The following SLC16A12 variants were observed in gnomAD, a reference collection of about 807,000 sequenced individuals.
SLC16A12 encodes monocarboxylate transporter 12.
In SLC16A12, 17 loss-of-function variants were observed where a neutral mutation model predicts 42.4. That is an observed-to-expected ratio of 0.40 (90% CI 0.27 to 0.60). The LOEUF (loss-of-function observed/expected upper bound fraction) is 0.60, where lower values mean the gene tolerates loss of function less well. Among genes scored for constraint, SLC16A12 ranks in the 20% least tolerant of loss-of-function variants. The pLI, the probability that SLC16A12 is intolerant of heterozygous loss-of-function variation, is 0.42. For missense variants in SLC16A12, 544 were observed against 623.0 expected, an observed-to-expected ratio of 0.87 and a Z score of 1.35; for synonymous variants, 224 against 229.4, an observed-to-expected ratio of 0.98 and a Z score of 0.21.
upstream of SLC16A12, among the ~76,000 whole-genome samples, chr10:89,539,875 T>TTCTTTCTTTC (rs1843701950): frequency 1.4e-5 from 2 of 144,080 alleles, no homozygotes; most frequent in Admixed American, 6.8e-5. Context: ...CTTTCTTTCT[T>TTCTTTCTTTC]TCTTTCTTTC....
chr10:89,470,178 T>C (rs925605549), intron 2 of SLC16A12, among the ~76,000 whole-genome samples: 2 of 152,156 alleles, frequency 1.3e-5, no homozygotes, highest in African/African-American at 4.8e-5. Flanking sequence ...AATCATGGGA[T>C]TGTGTTATAG....
rs145964337 is a variant in SLC16A12, at chr10:89,438,770, C to A, written c.862G>T (p.Val288Phe). ...LLMSDFVVLAVSVLFMAYGCS... is the reference protein window; with the variant it reads ...LLMSDFVVLAFSVLFMAYGCS... ...CCATAAGCCATAAACAGAACGGAGA[C>A]GGCTAACACAACAAAGTCTGACATG... Residue 288 changes from valine to phenylalanine, a missense_variant, in exon 6 of 8, where the codon GTC becomes TTC. Val to Phe is a conservative substitution (Grantham distance 50, BLOSUM62 -1). Coordinates refer to ENST00000371790, the MANE Select transcript of SLC16A12 (RefSeq NM_213606.4). 58 of 1,614,168 alleles carry A rather than the reference C, an allele frequency of 3.6e-5. No homozygotes were observed. The highest frequency in any genetic ancestry group is 4.7e-5 in the Non-Finnish European group (56 of 1,180,036).
intron 3 of SLC16A12, among the ~76,000 whole-genome samples, chr10:89,452,698 G>A (rs1346073854): frequency 6.6e-6 from 1 of 152,218 alleles, no homozygotes; most frequent in Non-Finnish European, 1.5e-5. Flanking sequence ...CAGAAGGTGG[G>A]ATGAAGTTTG....
At chr10:89,445,837 A>G (rs1841991712) in intron 3 of SLC16A12, among the ~76,000 whole-genome samples, 1 of 152,198 alleles carries the variant, frequency 6.6e-6, no homozygotes, top group South Asian at 2.1e-4. Context: ...CGAACCCATC[A>G]CAAGGAAGCT....
Position 89,432,809 on chromosome 10 carries a change from A to C in SLC16A12, c.*255T>G. ...TATCAGCTGTGTCCTTACATTTCTT[A>C]CAGAGCTATGCCCATTGACCAAAAG... On this transcript the variant is annotated 3_prime_UTR_variant, in exon 8 of 8. Transcript: ENST00000371790. The C allele has an allele frequency of 2.3e-6, 1 of 440,892 alleles. No individual in the cohort carries two copies. The highest frequency in any genetic ancestry group is 4.1e-6 in the Non-Finnish European group (1 of 245,044). The allele number at this position is 440,892 out of a possible 1,614,324, so 27.3% of individuals were successfully genotyped here.
rs79042656 is a variant in SLC16A12 at position 89,515,427 on chromosome 10, A to C, written c.-47+19074T>G. Reference sequence around the variant, plus strand: ...TTGCTAAAACAGAGTCACCCAGGATATTGAAGTCAGTGTCGGAGGGCTCTA... The same window carrying C: ...TTGCTAAAACAGAGTCACCCAGGATCTTGAAGTCAGTGTCGGAGGGCTCTA... On this transcript the variant is annotated intron_variant, in intron 2 of 7. Coordinates refer to ENST00000371790, the MANE Select transcript of SLC16A12 (RefSeq NM_213606.4). Among the ~76,000 whole-genome samples, 340 of 152,298 alleles carry C rather than the reference A, an allele frequency of 2.2e-3. 1 individual carries two copies. Among genetic ancestry groups the C allele is most frequent in the African/African-American group, 7.7e-3 (321 of 41,576 alleles).
intron 2 of SLC16A12, among the ~76,000 whole-genome samples, chr10:89,514,269 T>C (rs1207657901): frequency 6.6e-6 from 1 of 152,140 alleles, no homozygotes; most frequent in Non-Finnish European, 1.5e-5. Context: ...ATTGAGAAAG[T>C]GTGGCCAGAA....
At chr10:89,509,361 C>T (rs1255535606) in intron 2 of SLC16A12, among the ~76,000 whole-genome samples, 3 of 152,110 alleles carry the variant, frequency 2.0e-5, no homozygotes, top group Admixed American at 6.6e-5. Flanking sequence ...ACTGGCAAAC[C>T]GAATCCAGTG....
intron 2 of SLC16A12, among the ~76,000 whole-genome samples, chr10:89,504,509 C>T (rs536121173): frequency 2.6e-5 from 4 of 152,286 alleles, no homozygotes; most frequent in Admixed American, 2.0e-4. Flanking sequence ...TAACTGGCTC[C>T]ATGAATAGAT....
rs1039499652 is a variant in SLC16A12, at chr10:89,443,369, C to T, written c.304+387G>A. On this transcript the variant is annotated intron_variant, in intron 4 of 7. Coordinates refer to ENST00000371790, the MANE Select transcript of SLC16A12 (RefSeq NM_213606.4). ...AAATGGCTCATGGTACTATCAATAACTATTTACACAACTTGAGAATGAGAA... is the reference window on the plus strand; with the variant it reads ...AAATGGCTCATGGTACTATCAATAATTATTTACACAACTTGAGAATGAGAA... 1.3e-4 allele frequency among the ~76,000 whole-genome samples: 20 copies of T among 152,200 alleles called. 1 individual carries two copies. The highest frequency in any genetic ancestry group is 1.5e-5 in the Non-Finnish European group (1 of 68,038).
intron 2 of SLC16A12, among the ~76,000 whole-genome samples, chr10:89,505,322 G>A (rs1843044724): frequency 6.6e-6 from 1 of 152,092 alleles, no homozygotes; most frequent in Non-Finnish European, 1.5e-5. Context: ...GGCTGAGGCA[G>A]GAGAATCTCT....
rs749099930 is a variant in SLC16A12 at position 89,438,805 on chromosome 10, C to T, written c.827G>A (p.Ser276Asn). ...AACAAAGTCTGACATGAGTAAAAAACTGTACTCTTGCTGCAAACAGCAACA... is the reference window on the plus strand; with the variant it reads ...AACAAAGTCTGACATGAGTAAAAAATTGTACTCTTGCTGCAAACAGCAACA... ...CLCCCLQQEY[S>N]FLLMSDFVVL... The change falls in exon 6 of 8, where the codon AGT becomes AAT. Residue 276 changes from serine to asparagine, a missense_variant. Transcript: ENST00000371790. 1.9e-6 allele frequency: 3 copies of T among 1,614,058 alleles called. No homozygotes were observed. The highest frequency in any genetic ancestry group is 2.2e-5 in the South Asian group (2 of 91,092).
rs991626144 is a variant in SLC16A12 at position 89,487,864 on chromosome 10, A to C, written c.-46-25240T>G. ...ATTTCTCTGTCAAAAAGACACCTGC[A>C]CTTGTATGTTTGTTACAGCACTATT... On this transcript the variant is annotated intron_variant, in intron 2 of 7. Coordinates refer to ENST00000371790, the MANE Select transcript of SLC16A12 (RefSeq NM_213606.4). Among the ~76,000 whole-genome samples, 64 of 147,508 alleles carry C rather than the reference A, an allele frequency of 4.3e-4. 1 individual carries two copies. The highest frequency in any genetic ancestry group is 1.1e-3 in the South Asian group (5 of 4,674).
intron 2 of SLC16A12, among the ~76,000 whole-genome samples, chr10:89,506,790 G>T (rs182252225): frequency 6.6e-6 from 1 of 152,108 alleles, no homozygotes; most frequent in African/African-American, 2.4e-5. Flanking sequence ...AGCTAAAGGA[G>T]CATGTTCTAA....
intron 2 of SLC16A12, among the ~76,000 whole-genome samples, chr10:89,552,278 A>G (rs1200202436): frequency 6.6e-6 from 1 of 152,242 alleles, no homozygotes; most frequent in African/African-American, 2.4e-5. Flanking sequence ...CAAAGATATC[A>G]CAAGAAACAG....
rs555189608 is a variant in SLC16A12 at position 89,524,762 on chromosome 10, T to G, written c.-47+9739A>C. Among the ~76,000 whole-genome samples the G allele has an allele frequency of 6.6e-5, 10 of 152,336 alleles. No homozygotes were observed. In the South Asian group the frequency reaches 2.1e-3, roughly 32 times the overall value. Reference sequence around the variant, plus strand: ...TTGAGGAAGAACACTGTCTAACACATGGCAGGGCCTCAGTGCATGTTTGCC... The same window carrying G: ...TTGAGGAAGAACACTGTCTAACACAGGGCAGGGCCTCAGTGCATGTTTGCC... On this transcript the variant is annotated intron_variant, in intron 2 of 7. Coordinates refer to ENST00000371790, the MANE Select transcript of SLC16A12 (RefSeq NM_213606.4).
At chr10:89,535,183 A>G (rs1298055225) in intron 1 of SLC16A12, among the ~76,000 whole-genome samples, 7 of 151,508 alleles carry the variant, frequency 4.6e-5, no homozygotes, top group Admixed American at 4.6e-4. Context: ...AGAGATGGAG[A>G]TCAAAGCCGC....
chr10:89,515,323 G>C (rs1296427156), intron 2 of SLC16A12, among the ~76,000 whole-genome samples: 1 of 152,172 alleles, frequency 6.6e-6, no homozygotes, highest in East Asian at 1.9e-4. Context: ...GAATTAATGC[G>C]CTCCTAGGTT....
intron 2 of SLC16A12, among the ~76,000 whole-genome samples, chr10:89,490,661 C>T (rs573392008): frequency 6.6e-6 from 1 of 152,338 alleles, no homozygotes; most frequent in South Asian, 2.1e-4. Flanking sequence ...CTCCTAGCAA[C>T]TCCATGTGTT....
Sources: gnomAD v4.1 joint callset for allele counts (sites outside exome capture counted in the v4.1 genomes callset) on GRCh38, gnomAD v4.1.1 for gene constraint, MANE v1.5 for transcripts, NCBI Gene and HGNC (gene_info 2026-07-23, HGNC 2026-07-21) for gene names.